The following CEP41 variants were observed in gnomAD, a reference collection of about 807,000 sequenced individuals.
CEP41 encodes centrosomal protein 41.
A neutral mutation model predicts 44.3 loss-of-function variants in CEP41; 32 were observed. The ratio of observed to expected loss-of-function variants is 0.72; its 90% CI spans 0.54 to 0.97. The LOEUF (loss-of-function observed/expected upper bound fraction) is 0.97, where lower values mean the gene tolerates loss of function less well. Ranked by LOEUF, CEP41 falls within the 50% of genes least tolerant of loss-of-function variation. The probability of loss-of-function intolerance (pLI) is 0.00; values close to 1 mark genes in which losing one functional copy is unlikely to be tolerated. For synonymous variants in CEP41, 151 were observed against 168.5 expected, an observed-to-expected ratio of 0.90 and a Z score of 0.80; for missense variants, 432 against 455.2, an observed-to-expected ratio of 0.95 and a Z score of 0.46.
intron 2 of CEP41, chr7:130,421,753 T>C: frequency 1.6e-6 from 2 of 1,220,336 alleles, no homozygotes; most frequent in Non-Finnish European, 2.0e-6. Context: ...AGATTGAATA[T>C]AGATAGAAAT....
chr7:130,437,219 C>T (rs1797992525), intron 1 of CEP41, among the ~76,000 whole-genome samples: 1 of 151,860 alleles, frequency 6.6e-6, no homozygotes, highest in Admixed American at 6.6e-5. Context: ...GAATACAGAA[C>T]ATCAGAATAA....
At position 130,402,594 on chromosome 7, in the gene CEP41, G is replaced by T; in HGVS notation, c.574+54C>A. 3 of 1,595,584 alleles carry T rather than the reference G, an allele frequency of 1.9e-6. No homozygotes were observed. In the South Asian group the frequency reaches 3.3e-5, roughly 18 times the overall value. On this transcript the variant is annotated intron_variant, in intron 7 of 10. Coordinates refer to ENST00000223208, the MANE Select transcript of CEP41 (RefSeq NM_018718.3). ...GTGGTTCCAGCCTGCCTAGACTCAAGAGCAGGCTCTCTGTTCTTGAGAGTG... is the reference window on the plus strand; with the variant it reads ...GTGGTTCCAGCCTGCCTAGACTCAATAGCAGGCTCTCTGTTCTTGAGAGTG...
chr7:130,411,126 C>T lies in CEP41; in HGVS notation c.273G>A (p.Leu91=), dbSNP rs782324496. ...LEVTAEEIQR[L]EDNDSAASDP... ...CACACCCTCAATTCTCATTACCTTC[C>T]AGCCTTTGAATCTCCTCAGCTGTCA... is the stretch of plus-strand genomic sequence containing the variant. Residue 91 remains leucine (L), a synonymous_variant, in exon 5 of 11, where the codon CTG becomes CTA. Transcript: ENST00000223208. The T allele has an allele frequency of 1.2e-6, 2 of 1,613,892 alleles. No homozygotes were observed.
Position 130,440,088 on chromosome 7 carries a change from C to T in CEP41, c.33+846G>A, listed in dbSNP as rs534086810. Among the ~76,000 whole-genome samples, 3 of 152,172 alleles carry T rather than the reference C, an allele frequency of 2.0e-5. No individual in the cohort carries two copies. The South Asian group carries it at 6.2e-4, about 32-fold the overall frequency. On this transcript the variant is annotated intron_variant, in intron 1 of 10. Transcript: ENST00000223208. ...AGGCTGGAGTGCAATGGCACGATCT[C>T]GGCTCACTGGAACCTCCATCTCCTG...
chr7:130,409,026 G>C (rs915873395), intron 5 of CEP41, among the ~76,000 whole-genome samples: 1 of 152,120 alleles, frequency 6.6e-6, no homozygotes, highest in Non-Finnish European at 1.5e-5. Flanking sequence ...GAGGAAAGCG[G>C]ACCAAAACAT....
rs1338766925 is a variant in CEP41, at chr7:130,397,342, A to G, written c.*1549T>C. The G allele has an allele frequency of 1.1e-5, 5 of 454,384 alleles. No individual in the cohort carries two copies. The highest frequency in any genetic ancestry group is 8.0e-5 in the African/African-American group (4 of 49,988). The allele number at this position is 454,384 out of a possible 1,614,324, so 28.1% of individuals were successfully genotyped here. A position where few individuals can be genotyped will look rare whatever the true frequency, so the allele number is the denominator to read the frequency against. ...CCCTGGTTTGTTTGATTTCTAAAGC[A>G]TCGGAAAATGTTGCACTTTGGAAAT... is the stretch of plus-strand genomic sequence containing the variant. On this transcript the variant is annotated 3_prime_UTR_variant, in exon 11 of 11. Transcript: ENST00000223208.
chr7:130,428,563 T>C (rs1797734638), intron 1 of CEP41, among the ~76,000 whole-genome samples: 1 of 151,568 alleles, frequency 6.6e-6, no homozygotes, highest in African/African-American at 2.4e-5. Context: ...ACTTCCATAT[T>C]TCATCAAACT....
Position 130,410,952 on chromosome 7 carries a change from A to C in CEP41, c.277+170T>G, listed in dbSNP as rs757759328. 2.3e-4 allele frequency: 161 copies of C among 690,744 alleles called. 1 individual carries two copies. The highest frequency in any genetic ancestry group is 3.8e-4 in the Non-Finnish European group (147 of 383,810). The allele number at this position is 690,744 out of a possible 1,614,324, so 42.8% of individuals were successfully genotyped here. ...GAAAACCAGATGGCTTTTTAAAATA[A>C]GAATTAACAACTAAAGTATCAGGTA... On this transcript the variant is annotated intron_variant, in intron 5 of 10. Transcript: ENST00000223208.
chr7:130,405,385 T>A (rs1178390361), intron 5 of CEP41, among the ~76,000 whole-genome samples: 1 of 152,224 alleles, frequency 6.6e-6, no homozygotes, highest in Non-Finnish European at 1.5e-5. Context: ...AGACATTTTC[T>A]CAAAAGTGAA....
At position 130,395,355 on chromosome 7, in the gene CEP41, T is replaced by C. The variant is rs1345946608; in HGVS notation, c.*3536A>G. On this transcript the variant is annotated 3_prime_UTR_variant, in exon 11 of 11. Coordinates refer to ENST00000223208, the MANE Select transcript of CEP41 (RefSeq NM_018718.3). ...AATTATATTCCACACATTTGCGGTG[T>C]TTCCTGGGGAAAAAAAAGTATCGTG... 6 of 430,790 alleles carry C rather than the reference T, an allele frequency of 1.4e-5. No homozygotes were observed. Among genetic ancestry groups the C allele is most frequent in the Admixed American group, 4.9e-5 (2 of 40,834 alleles). 26.7% of individuals were successfully genotyped at this position (430,790 alleles called of 1,614,324 possible).
chr7:130,412,619 C>T (rs1241399621), intron 3 of CEP41, among the ~76,000 whole-genome samples: 4 of 152,170 alleles, frequency 2.6e-5, no homozygotes, highest in Non-Finnish European at 5.9e-5. Flanking sequence ...AAGAAATGTC[C>T]GTGTTTTACA....
chr7:130,418,051 A>G (rs1237069901), intron 2 of CEP41, among the ~76,000 whole-genome samples: 1 of 152,198 alleles, frequency 6.6e-6, no homozygotes, highest in Non-Finnish European at 1.5e-5. Context: ...TTAAATCTTT[A>G]CCATGAATTC....
intron 5 of CEP41, among the ~76,000 whole-genome samples, chr7:130,410,043 T>TCTTTTTTTTTTTTTTTA (rs1554419079): frequency 5.4e-5 from 8 of 149,118 alleles, no homozygotes; most frequent in South Asian, 2.1e-4. Context: ...TTTTTTTTTT[T>TCTTTTTTTTTTTTTTTA]GAGACAGAGT....
Position 130,427,664 on chromosome 7 carries a change from T to G in CEP41, c.97+291A>C, listed in dbSNP as rs571805778. Among the ~76,000 whole-genome samples the G allele has an allele frequency of 2.0e-5, 3 of 152,376 alleles. No homozygotes were observed. The East Asian group carries it at 5.8e-4, about 29-fold the overall frequency. ...AGAGGCTGACCTCCTGATATTTATT[T>G]AGCTTCAGCCCTGAAACTTACTGAA... On this transcript the variant is annotated intron_variant, in intron 2 of 10. Transcript: ENST00000223208.
At chr7:130,405,432 T>C (rs1796981115) in intron 5 of CEP41, among the ~76,000 whole-genome samples, 1 of 152,226 alleles carries the variant, frequency 6.6e-6, no homozygotes, top group Non-Finnish European at 1.5e-5. Flanking sequence ...GGAACACTAC[T>C]GATGGCATTG....
At chr7:130,425,976 C>T (rs1024503614) in intron 2 of CEP41, among the ~76,000 whole-genome samples, 1 of 152,112 alleles carries the variant, frequency 6.6e-6, no homozygotes, top group African/African-American at 2.4e-5. Flanking sequence ...GACTGGTGAT[C>T]GCAGGGGCTA....
chr7:130,419,062 C>T (rs1584891106), intron 2 of CEP41: 3 of 985,396 alleles, frequency 3.0e-6, no homozygotes, highest in Non-Finnish European at 3.6e-6. Context: ...AGGGTAATTA[C>T]ACTTAACACT....
intron 2 of CEP41, chr7:130,421,238 A>G: frequency 1.2e-5 from 12 of 985,430 alleles, no homozygotes; most frequent in Non-Finnish European, 1.4e-5. Context: ...CTGAGCCAAT[A>G]AGAAAAGCAA....
Position 130,393,832 on chromosome 7 carries a change from T to TC in CEP41, c.*5058dup, listed in dbSNP as rs1554413358. ...CTATCAGGAAAACAGCCTACTTTTT[T>TC]CCCCCTACAATATAATTAAAAGTTT... On this transcript the variant is annotated 3_prime_UTR_variant, in exon 11 of 11. Transcript: ENST00000223208. 1 of 454,064 alleles carries TC rather than the reference T, an allele frequency of 2.2e-6. No individual in the cohort carries two copies. The highest frequency in any genetic ancestry group is 6.9e-4 in the Middle Eastern group (1 of 1,444). 28.1% of individuals were successfully genotyped at this position (454,064 alleles called of 1,614,324 possible). A position where few individuals can be genotyped will look rare whatever the true frequency, so the allele number is the denominator to read the frequency against.
Sources: gnomAD v4.1 joint callset for allele counts (sites outside exome capture counted in the v4.1 genomes callset) on GRCh38, gnomAD v4.1.1 for gene constraint, MANE v1.5 for transcripts, NCBI Gene and HGNC (gene_info 2026-07-23, HGNC 2026-07-21) for gene names.